SLC9D1: variants seen among roughly 807,000 people sequenced by gnomAD.
The protein encoded by SLC9D1 is solute carrier family 9 member D1.
chr13:113,549,262 C>G, the SLC9D1 span, among the ~76,000 whole-genome samples: 4 of 151,556 alleles, frequency 2.6e-5, no homozygotes, highest in African/African-American at 9.7e-5. Flanking sequence ...CCCCACCCCC[C>G]CGTGCAGGCA....
chr13:113,508,058 C>T, the SLC9D1 span, among the ~76,000 whole-genome samples: 1 of 152,262 alleles, frequency 6.6e-6, no homozygotes, highest in East Asian at 1.9e-4. Context: ...TTCTTACTCT[C>T]ACCTGTGCCC....
chr13:113,516,281 A>ATG, the SLC9D1 span, among the ~76,000 whole-genome samples: 1 of 152,048 alleles, frequency 6.6e-6, no homozygotes, highest in Non-Finnish European at 1.5e-5. Context: ...ATTCCTATAT[A>ATG]TGTCCAGGCA....
At chr13:113,495,972 A>G in the SLC9D1 span, 36 of 1,613,602 alleles carry the variant, frequency 2.2e-5, no homozygotes, top group Middle Eastern at 3.3e-4. Context: ...TGTCGTGAAC[A>G]TGAAGGAGAG....
chr13:113,505,392 A>G, the SLC9D1 span: 2 of 152,254 alleles, frequency 1.3e-5, no homozygotes, highest in Admixed American at 1.3e-4. Context: ...ATTTACCCAC[A>G]AAAGGTTTCA....
At chr13:113,520,957 C>T in the SLC9D1 span, among the ~76,000 whole-genome samples, 1 of 152,146 alleles carries the variant, frequency 6.6e-6, no homozygotes. Context: ...TCCTGTCTTC[C>T]ATCAAGTAGG....
the SLC9D1 span, among the ~76,000 whole-genome samples, chr13:113,538,786 C>G: frequency 1.3e-5 from 2 of 152,378 alleles, no homozygotes; most frequent in East Asian, 3.9e-4. Flanking sequence ...CGTGCGTCAT[C>G]CGGAAGGCTG....
chr13:113,532,344 T>C, the SLC9D1 span, among the ~76,000 whole-genome samples: 2 of 152,104 alleles, frequency 1.3e-5, no homozygotes, highest in South Asian at 4.1e-4. Flanking sequence ...GGCTGGAATT[T>C]GAGGAATGCA....
At chr13:113,503,523 G>T in the SLC9D1 span, 1 of 1,613,806 alleles carries the variant, frequency 6.2e-7, no homozygotes, top group Non-Finnish European at 8.5e-7. Flanking sequence ...GACATTAGGA[G>T]AATTTGGGGT....
At chr13:113,523,475 G>A in the SLC9D1 span, among the ~76,000 whole-genome samples, 1 of 152,046 alleles carries the variant, frequency 6.6e-6, no homozygotes, top group African/African-American at 2.4e-5. Flanking sequence ...TCATTCTTTT[G>A]ATGTCCACAG....
At chr13:113,513,065 C>T in the SLC9D1 span, among the ~76,000 whole-genome samples, 1 of 152,120 alleles carries the variant, frequency 6.6e-6, no homozygotes, top group Non-Finnish European at 1.5e-5. Context: ...CCAGGCATGT[C>T]ATGTTCTGCA....
At chr13:113,539,050 C>T in the SLC9D1 span, among the ~76,000 whole-genome samples, 79 of 152,360 alleles carry the variant, frequency 5.2e-4, 1 homozygote, top group African/African-American at 1.8e-3. The surrounding 1 kb of genome is among the most constrained non-coding windows in gnomAD (Gnocchi z 4.8). Context: ...GAAAATGTAT[C>T]ACAAATATTT....
chr13:113,533,997 G>A, the SLC9D1 span: 1 of 1,399,726 alleles, frequency 7.1e-7, no homozygotes, highest in Non-Finnish European at 9.9e-7. Context: ...TTGAGTTTTA[G>A]AGAACTGTGT....
chr13:113,517,389 C>T, the SLC9D1 span, among the ~76,000 whole-genome samples: 5 of 152,096 alleles, frequency 3.3e-5, no homozygotes, highest in East Asian at 3.9e-4. Context: ...CCCGCCACCA[C>T]GCCCGGCTAA....
the SLC9D1 span, among the ~76,000 whole-genome samples, chr13:113,509,605 G>A: frequency 6.6e-6 from 1 of 152,232 alleles, no homozygotes; most frequent in Non-Finnish European, 1.5e-5. Flanking sequence ...CCTGGAATTA[G>A]GGAATTGATG....
the SLC9D1 span, chr13:113,503,680 C>A: frequency 2.8e-6 from 2 of 725,382 alleles, no homozygotes; most frequent in Non-Finnish European, 2.4e-6. Context: ...GATGAATTCA[C>A]TATCAAATGT....
the SLC9D1 span, chr13:113,499,923 T>C: frequency 1.5e-6 from 2 of 1,300,580 alleles, no homozygotes; most frequent in East Asian, 5.3e-5. Flanking sequence ...AAGCATTTAA[T>C]GGATTTTAAT....
chr13:113,526,943 G>A, the SLC9D1 span, among the ~76,000 whole-genome samples: 555 of 152,318 alleles, frequency 3.6e-3, 4 homozygotes, highest in African/African-American at 0.013. Context: ...GTTACAGTTG[G>A]CTGCAGTATT....
chr13:113,503,609 T>C, the SLC9D1 span: 9 of 1,519,558 alleles, frequency 5.9e-6, no homozygotes, highest in African/African-American at 1.4e-5. Flanking sequence ...CATCAACCTG[T>C]TACTGCAGCT....
chr13:113,533,174 G>T, the SLC9D1 span, among the ~76,000 whole-genome samples: 1 of 148,430 alleles, frequency 6.7e-6, no homozygotes, highest in Non-Finnish European at 1.5e-5. Flanking sequence ...TCCTGAAGTT[G>T]CAGACGTGGG....
Sources: allele counts gnomAD v4.1 joint callset (sites outside exome capture counted in the v4.1 genomes callset), GRCh38; gene constraint gnomAD v4.1.1; non-coding constraint Gnocchi (gnomAD v3.1); transcripts MANE v1.5; gene names NCBI Gene and HGNC (gene_info 2026-07-23, HGNC 2026-07-21).